RORA: variants seen among roughly 807,000 people sequenced by gnomAD.
RORA encodes the protein nuclear receptor ROR-alpha.
In RORA, 7 loss-of-function variants were observed where a neutral mutation model predicts 69.5. The observed-to-expected ratio is 0.10, with a 90% CI of 0.06 to 0.19. RORA has a LOEUF of 0.19. RORA is among the 10% of genes least tolerant of loss of function. RORA has a pLI of 1.00. For synonymous variants in RORA, 261 were observed against 240.8 expected (o/e 1.08, Z -0.78); for missense variants, 457 against 663.0 (o/e 0.69, Z 3.41).
intron 1 of RORA, among the ~76,000 whole-genome samples, chr15:60,785,963 G>A (rs140884368): frequency 9.7e-5 from 5 of 51,572 alleles, no homozygotes; most frequent in African/African-American, 3.3e-4. Context: ...CACCTCACAA[G>A]GTTGGTACTC....
chr15:60,928,624 G>T (rs1018726128), intron 1 of RORA, among the ~76,000 whole-genome samples: 14 of 152,146 alleles, frequency 9.2e-5, no homozygotes, highest in Non-Finnish European at 1.5e-5. Flanking sequence ...AACTGAAAAA[G>T]ACTCTGAGTT....
chr15:60,718,145 T>C (rs968988498), intron 1 of RORA, among the ~76,000 whole-genome samples: 6 of 152,236 alleles, frequency 3.9e-5, no homozygotes, highest in African/African-American at 1.4e-4. Flanking sequence ...TATGTCACTA[T>C]GGTACAGTTG....
At chr15:60,926,428 A>T (rs1892220573) in intron 1 of RORA, among the ~76,000 whole-genome samples, 2 of 152,210 alleles carry the variant, frequency 1.3e-5, no homozygotes, top group African/African-American at 4.8e-5. Context: ...CACTGGGTAG[A>T]TTATAGAGTT....
At chr15:60,965,675 C>T (rs1893535537) in intron 1 of RORA, among the ~76,000 whole-genome samples, 1 of 152,184 alleles carries the variant, frequency 6.6e-6, no homozygotes, top group South Asian at 2.1e-4. Context: ...ATTGATGAAG[C>T]TATTAAGATG....
rs1894388962 is a variant in RORA, at chr15:60,991,812, G to A, written c.166+237241C>T. On this transcript the variant is annotated intron_variant, in intron 1 of 10. Transcript: ENST00000335670. ...GTGCTACTCAGGAGGTTGATGAGGA[G>A]GGAAGATTGCTTGATCCCAGGAGGT... 1.3e-5 allele frequency among the ~76,000 whole-genome samples: 2 copies of A among 151,962 alleles called. 1 individual carries two copies. Among genetic ancestry groups the A allele is most frequent in the South Asian group, 4.1e-4 (2 of 4,820 alleles).
intron 2 of RORA, among the ~76,000 whole-genome samples, chr15:60,562,409 C>T (rs1245864746): frequency 7.0e-6 from 1 of 143,132 alleles, no homozygotes; most frequent in Non-Finnish European, 1.5e-5. Context: ...CTAGTTTTTA[C>T]ATTTTTTTTT....
At chr15:60,992,860 A>G (rs1351879569) in intron 1 of RORA, among the ~76,000 whole-genome samples, 1 of 152,222 alleles carries the variant, frequency 6.6e-6, no homozygotes, top group Admixed American at 6.5e-5. Flanking sequence ...ACTGATACTT[A>G]AAAGAGAAAG....
chr15:60,604,537 CCTT>C (rs2068900394), intron 2 of RORA, among the ~76,000 whole-genome samples: 1 of 152,132 alleles, frequency 6.6e-6, no homozygotes, highest in Non-Finnish European at 1.5e-5. Flanking sequence ...ATCTTTTCTG[CCTT>C]CTTCTTTAGA....
chr15:61,203,943 CAG>C (rs2079916995), intron 1 of RORA, among the ~76,000 whole-genome samples: 2 of 152,154 alleles, frequency 1.3e-5, no homozygotes, highest in African/African-American at 4.8e-5. Context: ...AAAATGTTTG[CAG>C]AGAGTACCTA....
intron 1 of RORA, among the ~76,000 whole-genome samples, chr15:60,890,777 C>T (rs890019004): frequency 6.6e-6 from 1 of 152,240 alleles, no homozygotes; most frequent in African/African-American, 2.4e-5. Context: ...TTTAGAAGTA[C>T]TTGCTCTTGA....
At chr15:60,548,839 G>GTGTTAGCCAGGA (rs964484612) in intron 2 of RORA, among the ~76,000 whole-genome samples, 21 of 151,884 alleles carry the variant, frequency 1.4e-4, no homozygotes, top group African/African-American at 5.1e-4. Context: ...GGGTTTCACC[G>GTGTTAGCCAGGA]TGGTCTCGAT....
intron 1 of RORA, among the ~76,000 whole-genome samples, chr15:60,787,101 C>G (rs1234170303): frequency 6.6e-6 from 1 of 152,200 alleles, no homozygotes; most frequent in East Asian, 1.9e-4. Context: ...AAATCTACAG[C>G]AAGTCATTTA....
chr15:60,698,630 GTT>G (rs34961839), intron 1 of RORA, among the ~76,000 whole-genome samples: 6,184 of 112,710 alleles, frequency 0.055, 149 homozygotes, highest in East Asian at 0.22. Context: ...TGGCATTTGT[GTT>G]TTTTTTTTTT....
intron 1 of RORA, among the ~76,000 whole-genome samples, chr15:60,708,889 T>G (rs1678474969): frequency 6.6e-6 from 1 of 152,164 alleles, no homozygotes; most frequent in Non-Finnish European, 1.5e-5. Flanking sequence ...GATGATAAGG[T>G]AAAATCCATG....
intron 1 of RORA, among the ~76,000 whole-genome samples, chr15:60,756,784 G>A (rs1488326871): frequency 1.3e-5 from 2 of 152,140 alleles, no homozygotes; most frequent in African/African-American, 4.8e-5. Flanking sequence ...ATGAGACACA[G>A]TTAAATTTCA....
At chr15:60,772,397 A>G in intron 1 of RORA, among the ~76,000 whole-genome samples, 1 of 96,844 alleles carries the variant, frequency 1.0e-5, no homozygotes, top group South Asian at 4.1e-4. Flanking sequence ...TTTATATTTA[A>G]AAACTACCTC....
intron 2 of RORA, among the ~76,000 whole-genome samples, chr15:60,543,056 G>A (rs1259045587): frequency 2.6e-5 from 4 of 151,918 alleles, no homozygotes. Flanking sequence ...ACCACTTGCT[G>A]AGAACCTGCG....
Position 60,924,893 on chromosome 15 carries a change from A to T in RORA, c.167-246207T>A, listed in dbSNP as rs561754462. 3.3e-5 allele frequency among the ~76,000 whole-genome samples: 5 copies of T among 152,198 alleles called. No homozygotes were observed. The East Asian group carries it at 9.7e-4, about 29-fold the overall frequency. On this transcript the variant is annotated intron_variant, in intron 1 of 10. Transcript: ENST00000335670. ...CAGGAGTTCGAGACCAGCCTGGCCA[A>T]CGTGGTGAAACCCCATCTCTACTAA...
chr15:60,930,030 C>T (rs1892332000), intron 1 of RORA, among the ~76,000 whole-genome samples: 1 of 152,152 alleles, frequency 6.6e-6, no homozygotes, highest in Non-Finnish European at 1.5e-5. Context: ...AATACTGCAG[C>T]CACTAGTCTC....
Sources: gnomAD v4.1 joint callset for allele counts (sites outside exome capture counted in the v4.1 genomes callset) on GRCh38, gnomAD v4.1.1 for gene constraint, MANE v1.5 for transcripts, NCBI Gene and HGNC (gene_info 2026-07-23, HGNC 2026-07-21) for gene names.